Variants in ZNF721 observed in about 807,000 individuals in gnomAD.
The protein encoded by ZNF721 is zinc finger protein 721.
Under a neutral mutation model 2.4 loss-of-function variants are expected in ZNF721, and 2 were observed. The ratio of observed to expected loss-of-function variants is 0.82; its 90% CI spans 0.34 to 2.58. The LOEUF (loss-of-function observed/expected upper bound fraction) is 2.58. ZNF721 is among the 30% of genes most tolerant of loss of function. The pLI is 0.11. For synonymous variants in ZNF721, 398 were observed against 381.8 expected (o/e 1.04, Z -0.50); for missense variants, 1,187 against 1,085.5 (o/e 1.09, Z -1.31).
At chr4:484,278 G>T (rs1403027692) in intron 1 of ZNF721, among the ~76,000 whole-genome samples, 2 of 152,134 alleles carry the variant, frequency 1.3e-5, no homozygotes, top group African/African-American at 4.8e-5. Context: ...CAGCTGAGGA[G>T]GATGTATATC....
At chr4:447,352 AAATAT>A (rs1456508346) in intron 2 of ZNF721, among the ~76,000 whole-genome samples, 2 of 151,960 alleles carry the variant, frequency 1.3e-5, no homozygotes, top group African/African-American at 4.8e-5. Flanking sequence ...ATAAAACAAA[AAATAT>A]ATTATTTTAA....
At chr4:468,289 G>C (rs1187320676) in intron 2 of ZNF721, among the ~76,000 whole-genome samples, 6 of 151,720 alleles carry the variant, frequency 4.0e-5, no homozygotes, top group Non-Finnish European at 8.8e-5. Context: ...AAATTAGCTG[G>C]GTGTGATGGA....
intron 1 of ZNF721, among the ~76,000 whole-genome samples, chr4:491,331 T>G (rs1716014502): frequency 6.6e-6 from 1 of 152,102 alleles, no homozygotes; most frequent in South Asian, 2.1e-4. Flanking sequence ...GGCAGGAGAA[T>G]GGCTTGAATC....
intron 1 of ZNF721, among the ~76,000 whole-genome samples, chr4:498,192 G>T (rs1026289433): frequency 7.9e-6 from 1 of 126,016 alleles, no homozygotes; most frequent in African/African-American, 2.9e-5. Flanking sequence ...GCGACAGAGT[G>T]AGATTTCATC....
At chr4:486,094 C>G (rs1715888448) in intron 1 of ZNF721, among the ~76,000 whole-genome samples, 1 of 152,020 alleles carries the variant, frequency 6.6e-6, no homozygotes, top group Non-Finnish European at 1.5e-5. Context: ...TAATATGCAT[C>G]CAAGGGTAAG....
chr4:460,783 C>T (rs1388212142), intron 2 of ZNF721, among the ~76,000 whole-genome samples: 1 of 152,100 alleles, frequency 6.6e-6, no homozygotes, highest in Non-Finnish European at 1.5e-5. Context: ...ACTGATCCCA[C>T]AGCAACAAAC....
chr4:461,164 C>T (rs1715057358), intron 2 of ZNF721, among the ~76,000 whole-genome samples: 1 of 152,142 alleles, frequency 6.6e-6, no homozygotes, highest in Non-Finnish European at 1.5e-5. Flanking sequence ...AATTTCAGGC[C>T]AATATCCCCG....
Position 442,745 on chromosome 4 carries a change from T to A in ZNF721, c.1722A>T (p.Val574=). The A allele has an allele frequency of 6.2e-7, 1 of 1,614,226 alleles. No homozygotes were observed. Among genetic ancestry groups the A allele is most frequent in the South Asian group, 1.1e-5 (1 of 91,080 alleles). The change falls in exon 3 of 3, where the codon GTA becomes GTT. Residue 574 remains valine (V), a synonymous_variant. Transcript: ENST00000511833. ...TCTCTCCAGTATGAATTCTCCTATG[T>A]ACATAAAGGTTTGCGGACTGTCTAA... The part of the protein sequence containing the change: ...KTFRQSANLY[V]HRRIHTGEKP...
rs1553863937 is a variant in ZNF721 at position 444,434 on chromosome 4, TGAAA to T, written c.35-6_35-3del. Reference sequence around the variant, plus strand: ...CTTGGGTGAAATGAGAACACATAGCTGAAAGAAACAAAAATAACAAATTATCCCA... The same window carrying T: ...CTTGGGTGAAATGAGAACACATAGCTGAAACAAAAATAACAAATTATCCCA... On this transcript the variant is annotated splice_polypyrimidine_tract_variant and splice_region_variant and intron_variant, in intron 2 of 2. Coordinates refer to ENST00000511833, the MANE Select transcript of ZNF721 (RefSeq NM_133474.4). 1 of 1,558,936 alleles carries T rather than the reference TGAAA, an allele frequency of 6.4e-7. No individual in the cohort carries two copies. The highest frequency in any genetic ancestry group is 8.6e-7 in the Non-Finnish European group (1 of 1,157,168).
At chr4:447,907 A>G (rs551402221) in intron 2 of ZNF721, among the ~76,000 whole-genome samples, 1 of 152,356 alleles carries the variant, frequency 6.6e-6, no homozygotes, top group South Asian at 2.1e-4. Flanking sequence ...TGAGTTCCAA[A>G]CATACAAAGC....
intron 2 of ZNF721, among the ~76,000 whole-genome samples, chr4:466,652 C>T (rs1329452829): frequency 6.6e-6 from 1 of 151,902 alleles, no homozygotes; most frequent in Non-Finnish European, 1.5e-5. Context: ...GATTAAACTG[C>T]GATGGATGAG....
intron 1 of ZNF721, among the ~76,000 whole-genome samples, chr4:486,264 T>C (rs1215496821): frequency 6.6e-6 from 1 of 151,836 alleles, no homozygotes; most frequent in Non-Finnish European, 1.5e-5. Context: ...GTTCACGTGA[T>C]TCTCCTGCCT....
At chr4:452,000 C>T (rs1247448106) in intron 2 of ZNF721, among the ~76,000 whole-genome samples, 7 of 152,150 alleles carry the variant, frequency 4.6e-5, no homozygotes, top group African/African-American at 1.7e-4. Flanking sequence ...AGGTAATTTC[C>T]CGGTATAGAT....
intron 2 of ZNF721, among the ~76,000 whole-genome samples, chr4:469,576 AT>A (rs1715368831): frequency 6.6e-6 from 1 of 152,198 alleles, no homozygotes; most frequent in South Asian, 2.1e-4. Context: ...AGAAAACACA[AT>A]TGTAAAATTT....
intron 2 of ZNF721, among the ~76,000 whole-genome samples, chr4:466,534 T>A (rs1275495387): frequency 6.6e-6 from 1 of 152,206 alleles, no homozygotes; most frequent in African/African-American, 2.4e-5. Context: ...ATAGTGTAGT[T>A]TTCTAAATGC....
Position 499,049 on chromosome 4 carries a change from C to A in ZNF721, c.-94+7G>T. ...TTCCAAATTAAAAACTTTTTAAAAC[C>A]TCGTACCTCGCCGTGGGCGGCGACC... On this transcript the variant is annotated splice_region_variant and intron_variant, in intron 1 of 2. Transcript: ENST00000511833. The A allele has an allele frequency of 2.0e-6, 1 of 506,254 alleles. No individual in the cohort carries two copies. Among genetic ancestry groups the A allele is most frequent in the Non-Finnish European group, 3.5e-6 (1 of 286,954 alleles). The allele number at this position is 506,254 out of a possible 1,614,324, so 31.4% of individuals were successfully genotyped here. A position where few individuals can be genotyped will look rare whatever the true frequency, so the allele number is the denominator to read the frequency against.
intron 1 of ZNF721, among the ~76,000 whole-genome samples, chr4:482,885 T>C (rs1553869745): frequency 1.3e-5 from 2 of 152,216 alleles, no homozygotes; most frequent in South Asian, 2.1e-4. Flanking sequence ...ATACACATTT[T>C]CAGGCAAAAA....
intron 1 of ZNF721, among the ~76,000 whole-genome samples, chr4:476,799 G>A (rs1553868728): frequency 6.6e-6 from 1 of 152,178 alleles, no homozygotes; most frequent in African/African-American, 2.4e-5. Flanking sequence ...AATTGTAGAA[G>A]TCTTGACACA....
rs199758490 is a variant in ZNF721, at chr4:443,352, C to T, written c.1115G>A (p.Arg372Gln). The T allele has an allele frequency of 4.7e-5, 75 of 1,612,696 alleles. No homozygotes were observed. Among genetic ancestry groups the T allele is most frequent in the African/African-American group, 2.4e-4 (18 of 74,596 alleles). ...CTTGTGTTGATTCAGGGCTGTGTAC[C>T]GTCCAAAGGCTTTGCCACAGTCTTC... ...KCEDCGKAFG[R>Q]YTALNQHKKI... Residue 372 changes from arginine (R) to glutamine (Q), a missense_variant, in exon 3 of 3, where the codon CGG becomes CAG. Coordinates refer to ENST00000511833, the MANE Select transcript of ZNF721 (RefSeq NM_133474.4).
Sources: allele counts gnomAD v4.1 joint callset (sites outside exome capture counted in the v4.1 genomes callset), GRCh38; gene constraint gnomAD v4.1.1; transcripts MANE v1.5; gene names NCBI Gene and HGNC (gene_info 2026-07-23, HGNC 2026-07-21).